Variants in ACYP2 observed in about 807,000 individuals in gnomAD.
ACYP2 encodes acylphosphatase 2.
In ACYP2, 12 loss-of-function variants were observed where a neutral mutation model predicts 11.2. That is an observed-to-expected ratio of 1.08 (90% confidence interval 0.69 to 1.74). ACYP2 has a LOEUF of 1.74. Ranked by LOEUF, ACYP2 falls within the 40% of genes most tolerant of loss-of-function variation. ACYP2 has a pLI of 0.00. For missense variants in ACYP2, 134 were observed against 101.9 expected (o/e 1.31, Z -1.35); for synonymous variants, 43 against 32.2 (o/e 1.33, Z -1.13).
chr2:54,259,371 G>A (rs948955989), intron 6 of ACYP2, among the ~76,000 whole-genome samples: 10 of 152,206 alleles, frequency 6.6e-5, no homozygotes, highest in African/African-American at 2.2e-4. Context: ...AGGGTTGGAT[G>A]AGAACACTAA....
intron 3 of ACYP2, among the ~76,000 whole-genome samples, chr2:54,055,343 T>C (rs1676084612): frequency 6.6e-6 from 1 of 152,170 alleles, no homozygotes; most frequent in Admixed American, 6.6e-5. Flanking sequence ...TTAAATGAGA[T>C]AATTTCTTCC....
chr2:53,971,895 G>A (rs1362214542), intron 1 of ACYP2, among the ~76,000 whole-genome samples: 1 of 152,258 alleles, frequency 6.6e-6, no homozygotes, highest in Non-Finnish European at 1.5e-5. Flanking sequence ...TAGCGTAAGA[G>A]AGGGGACGGA....
chr2:54,144,089 C>T (rs1056718440), intron 6 of ACYP2, among the ~76,000 whole-genome samples: 1 of 152,020 alleles, frequency 6.6e-6, no homozygotes, highest in Non-Finnish European at 1.5e-5. Context: ...TCCATCTCAG[C>T]CACCCAAGTA....
chr2:54,104,149 A>G (rs1679039403), intron 4 of ACYP2, among the ~76,000 whole-genome samples: 1 of 152,242 alleles, frequency 6.6e-6, no homozygotes, highest in African/African-American at 2.4e-5. Context: ...GATTAAGAAC[A>G]TCTGGCATGT....
intron 4 of ACYP2, 84 bp from the exon 1 acceptor site, chr2:54,115,531 G>A (rs563051927): frequency 1.2e-5 from 18 of 1,495,820 alleles, no homozygotes; most frequent in Admixed American, 1.1e-4. Flanking sequence ...AGGCCCCGCA[G>A]TCTCATTTGC....
At chr2:54,007,688 A>C (rs1252404695) in intron 2 of ACYP2, among the ~76,000 whole-genome samples, 1 of 152,166 alleles carries the variant, frequency 6.6e-6, no homozygotes, top group Non-Finnish European at 1.5e-5. Flanking sequence ...AACATGCGGA[A>C]ACCCTGTCTC....
At chr2:54,070,991 G>A (rs1677012521) in intron 4 of ACYP2, among the ~76,000 whole-genome samples, 1 of 151,958 alleles carries the variant, frequency 6.6e-6, no homozygotes, top group Non-Finnish European at 1.5e-5. Context: ...AGCTCAAGCA[G>A]TCTGCCTGCC....
chr2:54,084,673 C>G (rs1025215607), intron 4 of ACYP2: 1 of 152,158 alleles, frequency 6.6e-6, no homozygotes, highest in Non-Finnish European at 1.5e-5. Context: ...CATTCACAAC[C>G]ACTGAAGCCA....
intron 4 of ACYP2, among the ~76,000 whole-genome samples, chr2:54,104,919 C>T (rs1391873604): frequency 2.6e-5 from 4 of 152,174 alleles, no homozygotes; most frequent in East Asian, 3.8e-4. Context: ...TAGAGGATAA[C>T]TGTGTCCACA....
chr2:53,979,255 T>C (rs1300211567), intron 2 of ACYP2, among the ~76,000 whole-genome samples: 1 of 152,108 alleles, frequency 6.6e-6, no homozygotes, highest in African/African-American at 2.4e-5. Flanking sequence ...CTAATGTGTG[T>C]GTTTGTGTCT....
At chr2:54,159,865 T>TGCAGAAGTTCTTTC (rs1458739963) in intron 6 of ACYP2, among the ~76,000 whole-genome samples, 6 of 152,200 alleles carry the variant, frequency 3.9e-5, no homozygotes, top group African/African-American at 1.4e-4. Context: ...TGAGGACTTT[T>TGCAGAAGTTCTTTC]GCAGAAGTTC....
intron 6 of ACYP2, among the ~76,000 whole-genome samples, chr2:54,218,286 A>T (rs1017079976): frequency 2.0e-5 from 3 of 151,980 alleles, no homozygotes; most frequent in African/African-American, 7.3e-5. Flanking sequence ...CTCATCCTTG[A>T]CTCCTTGACT....
At chr2:54,015,283 G>A (rs553690079) in intron 2 of ACYP2, among the ~76,000 whole-genome samples, 7 of 151,474 alleles carry the variant, frequency 4.6e-5, no homozygotes, top group African/African-American at 1.2e-4. Context: ...AGGCCGAGGC[G>A]AGCAGATCAT....
chr2:54,015,855 G>A (rs567254870), intron 2 of ACYP2, among the ~76,000 whole-genome samples: 149 of 151,954 alleles, frequency 9.8e-4, no homozygotes, highest in African/African-American at 3.4e-3. Flanking sequence ...GGAGAGATGG[G>A]GTTTTGTTAT....
At chr2:54,287,671 G>C (rs997979141) in intron 6 of ACYP2, among the ~76,000 whole-genome samples, 2 of 152,016 alleles carry the variant, frequency 1.3e-5, no homozygotes, top group Non-Finnish European at 2.9e-5. Context: ...TGTAGGGATA[G>C]AGGGAGACGA....
At chr2:54,254,805 T>C in intron 6 of ACYP2, 1 of 1,027,312 alleles carries the variant, frequency 9.7e-7, no homozygotes. Flanking sequence ...AAACAGAGGG[T>C]ACAGGAAAGT....
chr2:54,042,632 C>A (rs928752754), intron 2 of ACYP2, among the ~76,000 whole-genome samples: 1 of 152,022 alleles, frequency 6.6e-6, no homozygotes, highest in African/African-American at 2.4e-5. Context: ...TTATTAGTGT[C>A]TGGTAAATGA....
intron 6 of ACYP2, chr2:54,223,154 G>C (rs1179820972): frequency 6.6e-6 from 1 of 152,140 alleles, no homozygotes. Context: ...AACAGCATCA[G>C]TTGGAATTAG....
At chr2:54,191,233 G>A (rs1167291934) in intron 6 of ACYP2, among the ~76,000 whole-genome samples, 1 of 152,118 alleles carries the variant, frequency 6.6e-6, no homozygotes, top group African/African-American at 2.4e-5. Context: ...CCATGCAGCA[G>A]TTCAAGGCCC....
Sources: gnomAD v4.1 joint callset for allele counts (sites outside exome capture counted in the v4.1 genomes callset) on GRCh38, gnomAD v4.1.1 for gene constraint, MANE v1.5 for transcripts, NCBI Gene and HGNC (gene_info 2026-07-23, HGNC 2026-07-21) for gene names.